ZNHIT3: variants seen among roughly 807,000 people sequenced by gnomAD.
The protein encoded by ZNHIT3 is zinc finger HIT domain-containing protein 3.
Under a neutral mutation model 19.9 loss-of-function variants are expected in ZNHIT3, and 27 were observed. The observed-to-expected ratio is 1.36, with a 90% CI of 1.00 to 1.87. ZNHIT3 has a LOEUF of 1.87. ZNHIT3 is among the 40% of genes most tolerant of loss of function. ZNHIT3 has a pLI of 0.00. For synonymous variants in ZNHIT3, 81 were observed against 65.7 expected, an observed-to-expected ratio of 1.23 and a Z score of -1.13; for missense variants, 215 against 185.6, an observed-to-expected ratio of 1.16 and a Z score of -0.92.
chr17:36,493,574 A>G (rs2070774353), intron 3 of ZNHIT3, among the ~76,000 whole-genome samples: 1 of 152,252 alleles, frequency 6.6e-6, no homozygotes, highest in Admixed American at 6.5e-5. Context: ...CATCCAGTTA[A>G]TTGGCCCATC....
chr17:36,493,903 ATT>A, intron 3 of ZNHIT3, 21 bp from the exon 4 acceptor site: 1 of 1,575,368 alleles, frequency 6.3e-7, no homozygotes, highest in Non-Finnish European at 8.7e-7. Context: ...GCCATGAGCC[ATT>A]GACTGTTTTG....
At chr17:36,493,542 T>C (rs2070774138) in intron 3 of ZNHIT3, among the ~76,000 whole-genome samples, 1 of 152,242 alleles carries the variant, frequency 6.6e-6, no homozygotes, top group East Asian at 1.9e-4. Context: ...CAGGAGATTC[T>C]ACTTGGCTGG....
chr17:36,498,521 A>G (rs762537907), downstream of ZNHIT3: 25 of 1,613,750 alleles, frequency 1.5e-5, no homozygotes, highest in Non-Finnish European at 2.1e-5. Flanking sequence ...TTTCTTCCAC[A>G]CCATCCAGCT....
chr17:36,486,834 C>G, intron 1 of ZNHIT3, 49 bp downstream of exon 1: 1 of 801,718 alleles, frequency 1.2e-6, no homozygotes, highest in South Asian at 1.3e-5. Flanking sequence ...CCGGCCATGG[C>G]GGGAGGGCGG....
intron 4 of ZNHIT3, among the ~76,000 whole-genome samples, chr17:36,494,710 G>GGTAT (rs2142550119): frequency 6.6e-6 from 1 of 152,242 alleles, no homozygotes; most frequent in Admixed American, 6.5e-5. Flanking sequence ...GTACCATGCA[G>GGTAT]GTATTATTGT....
intron 2 of ZNHIT3, among the ~76,000 whole-genome samples, chr17:36,488,599 C>T (rs1201543016): frequency 2.6e-5 from 4 of 152,096 alleles, no homozygotes; most frequent in Non-Finnish European, 5.9e-5. Context: ...TTCTAGCTCA[C>T]TGACTTAAAG....
At chr17:36,488,749 AC>A (rs1211974524) in intron 2 of ZNHIT3, among the ~76,000 whole-genome samples, 6 of 152,196 alleles carry the variant, frequency 3.9e-5, no homozygotes, top group Non-Finnish European at 8.8e-5. Context: ...ATACTTCGAT[AC>A]CTGTATACAA....
chr17:36,495,480 AG>A lies in ZNHIT3; in HGVS notation c.*77del. ...GCCTGCTCCCTCTCCCAGACCAGCT[AG>A]TTTGGGGCTGGGGAGCTCAGGCAAA... On this transcript the variant is annotated 3_prime_UTR_variant, in exon 5 of 5. Transcript: ENST00000617429. 1 of 1,465,072 alleles carries A rather than the reference AG, an allele frequency of 6.8e-7. No homozygotes were observed. Among genetic ancestry groups the A allele is most frequent in the African/African-American group, 1.4e-5 (1 of 70,420 alleles). The allele number at this position is 1,465,072 out of a possible 1,614,324, so 90.8% of individuals were successfully genotyped here.
Position 36,490,030 on chromosome 17 carries a change from C to G in ZNHIT3, c.119-2783C>G, listed in dbSNP as rs1484371612. On this transcript the variant is annotated intron_variant, in intron 2 of 4. Transcript: ENST00000617429. ...ATATTTTGCAAATATTTTCTCCCATCCTGTGGGTTGTCTCTTCATTCTATT... is the reference window on the plus strand; with the variant it reads ...ATATTTTGCAAATATTTTCTCCCATGCTGTGGGTTGTCTCTTCATTCTATT... The G allele has an allele frequency of 2.7e-5, 4 of 149,302 alleles. No individual in the cohort carries two copies. The Admixed American group carries it at 2.7e-4, about 10-fold the overall frequency. 9.2% of individuals were successfully genotyped at this position (149,302 alleles called of 1,614,324 possible).
At position 36,495,319 on chromosome 17, in the gene ZNHIT3, G is replaced by C; in HGVS notation, c.383G>C (p.Arg128Thr). 1 of 1,613,910 alleles carries C rather than the reference G, an allele frequency of 6.2e-7. No homozygotes were observed. The highest frequency in any genetic ancestry group is 8.5e-7 in the Non-Finnish European group (1 of 1,180,014). Reference protein sequence around the residue: ...DQGEDKAKLMRAYMQEPLFVE... With the variant: ...DQGEDKAKLMTAYMQEPLFVE... ...GGAGAAGACAAAGCAAAGCTCATGA[G>C]AGCTTACATGCAAGAGCCTTTGTTT... is the stretch of plus-strand genomic sequence containing the variant. The change falls in exon 5 of 5, where the codon AGA (arginine) becomes ACA (threonine). Residue 128 changes from arginine to threonine, a missense_variant. Coordinates refer to ENST00000617429, the MANE Select transcript of ZNHIT3 (RefSeq NM_004773.4).
Position 36,493,904 on chromosome 17 carries a change from T to C in ZNHIT3, c.206-22T>C, listed in dbSNP as rs569656767. The C allele has an allele frequency of 3.8e-6, 6 of 1,576,042 alleles. No individual in the cohort carries two copies. The South Asian group carries it at 5.6e-5, about 15-fold the overall frequency. ...AGGCCTCCTTTTTAGCCATGAGCCATTGACTGTTTTGTATTCCTTAGATGA... is the reference window on the plus strand; with the variant it reads ...AGGCCTCCTTTTTAGCCATGAGCCACTGACTGTTTTGTATTCCTTAGATGA... On this transcript the variant is annotated intron_variant, in intron 3 of 4. Coordinates refer to ENST00000617429, the MANE Select transcript of ZNHIT3 (RefSeq NM_004773.4).
downstream of ZNHIT3, chr17:36,497,533 T>G: frequency 1.0e-6 from 1 of 985,218 alleles, no homozygotes; most frequent in Non-Finnish European, 1.2e-6. Flanking sequence ...TTTTTTGCTA[T>G]GTCTCGTGAA....
rs749444781 is a variant in ZNHIT3, at chr17:36,493,990, G to T, written c.270G>T (p.Gln90His). Reference protein sequence around the residue: ...SDEEEDRVSLQNLKNLGESAT... With the variant: ...SDEEEDRVSLHNLKNLGESAT... ...AGGAAGAAGACAGAGTTTCTTTGCAGAATTTAAAGAATTTAGGTAAGTCTG... is the reference window on the plus strand; with the variant it reads ...AGGAAGAAGACAGAGTTTCTTTGCATAATTTAAAGAATTTAGGTAAGTCTG... The change falls in exon 4 of 5, where the codon CAG (glutamine) becomes CAT (histidine). Residue 90 changes from glutamine (Q) to histidine (H), a missense_variant. Coordinates refer to ENST00000617429, the MANE Select transcript of ZNHIT3 (RefSeq NM_004773.4). 1.7e-5 allele frequency: 27 copies of T among 1,611,174 alleles called. No homozygotes were observed. The highest frequency in any genetic ancestry group is 3.3e-4 in the Middle Eastern group (2 of 6,070).
At chr17:36,496,091 C>A, downstream of ZNHIT3, 3 of 996,808 alleles carry the variant, frequency 3.0e-6, no homozygotes, top group South Asian at 4.8e-5. Flanking sequence ...GGCCCACTGA[C>A]GCACTGGGCA....
At chr17:36,487,972 C>T (rs2070620848) in intron 2 of ZNHIT3, among the ~76,000 whole-genome samples, 1 of 151,132 alleles carries the variant, frequency 6.6e-6, no homozygotes, top group Non-Finnish European at 1.5e-5. Flanking sequence ...GTGGCCTGTG[C>T]CAGTGGTCCC....
intron 2 of ZNHIT3, among the ~76,000 whole-genome samples, chr17:36,487,797 AAAAG>A (rs886358368): frequency 7.5e-5 from 11 of 146,570 alleles, no homozygotes; most frequent in African/African-American, 2.8e-4. Context: ...TCTGGAAAAA[AAAAG>A]AAAAAAAAAA....
chr17:36,496,771 C>G (rs181172110), downstream of ZNHIT3, among the ~76,000 whole-genome samples: 16 of 152,292 alleles, frequency 1.1e-4, no homozygotes, highest in East Asian at 2.7e-3. Flanking sequence ...TGTCATTTCA[C>G]TTACTCCTTG....
In ZNHIT3 at chr17:36,495,601, G is replaced by A. The variant is rs1404555282; in HGVS notation, c.*197G>A. On this transcript the variant is annotated 3_prime_UTR_variant, in exon 5 of 5. Coordinates refer to ENST00000617429, the MANE Select transcript of ZNHIT3 (RefSeq NM_004773.4). ...AGACTTGGGGTCCTTAAGGTGGCAA[G>A]TCCTTTATGGAGAGAAAACTTGACA... 1 of 1,288,158 alleles carries A rather than the reference G, an allele frequency of 7.8e-7. No individual in the cohort carries two copies. Among genetic ancestry groups the A allele is most frequent in the African/African-American group, 1.5e-5 (1 of 65,760 alleles). 79.8% of individuals were successfully genotyped at this position (1,288,158 alleles called of 1,614,324 possible). A position where few individuals can be genotyped will look rare whatever the true frequency, so the allele number is the denominator to read the frequency against.
chr17:36,499,245 T>C (rs547082360), downstream of ZNHIT3: 3 of 962,086 alleles, frequency 3.1e-6, no homozygotes, highest in South Asian at 4.6e-5. Context: ...GCACCACAGT[T>C]GCTGTCAAAG....
Sources: gnomAD v4.1 joint callset for allele counts (sites outside exome capture counted in the v4.1 genomes callset) on GRCh38, gnomAD v4.1.1 for gene constraint, MANE v1.5 for transcripts, NCBI Gene and HGNC (gene_info 2026-07-23, HGNC 2026-07-21) for gene names.